LAMA2: variants seen among roughly 807,000 people sequenced by gnomAD.
LAMA2 encodes the protein laminin subunit alpha 2, also known as laminin subunit alpha-2.
Under a neutral mutation model 364.8 loss-of-function variants are expected in LAMA2, and 269 were observed. The ratio of observed to expected loss-of-function variants is 0.74; its 90% CI spans 0.67 to 0.82. LAMA2 has a LOEUF of 0.82. Ranked by LOEUF, LAMA2 falls within the 40% of genes least tolerant of loss-of-function variation. LAMA2 has a pLI of 0.00. For missense variants in LAMA2, 3,807 were observed against 3,873.2 expected (o/e 0.98, Z 0.45); for synonymous variants, 1,379 against 1,370.6 (o/e 1.01, Z -0.14).
intron 32 of LAMA2, 43 bp from the exon 33 acceptor site, chr6:129,366,176 T>A: frequency 1.2e-6 from 2 of 1,608,910 alleles, no homozygotes; most frequent in South Asian, 1.1e-5. Context: ...CTGCCTGGGA[T>A]GTTTAGCAGA....
intron 64 of LAMA2, 80 bp downstream of exon 64, chr6:129,514,675 C>A: frequency 9.3e-7 from 1 of 1,076,938 alleles, no homozygotes; most frequent in South Asian, 1.3e-5. Flanking sequence ...TTACGTGTGT[C>A]TAAGAATGTG....
chr6:129,494,945 A>C (rs1205948242), intron 58 of LAMA2, among the ~76,000 whole-genome samples: 1 of 152,204 alleles, frequency 6.6e-6, no homozygotes, highest in East Asian at 1.9e-4. Context: ...CCTAATGTCC[A>C]CTTATAAAAA....
intron 53 of LAMA2, among the ~76,000 whole-genome samples, chr6:129,477,075 G>A (rs2114830661): frequency 6.6e-6 from 1 of 152,266 alleles, no homozygotes; most frequent in South Asian, 2.1e-4. Context: ...ATATATTGAT[G>A]CCGACTGGAC....
intron 22 of LAMA2, 63 bp from the exon 23 acceptor site, chr6:129,312,798 T>A: frequency 8.8e-7 from 1 of 1,134,296 alleles, no homozygotes. Flanking sequence ...ACATTAGAAT[T>A]AAAATTTTAA....
At chr6:129,426,164 C>T (rs936415119) in intron 40 of LAMA2, among the ~76,000 whole-genome samples, 1 of 152,140 alleles carries the variant, frequency 6.6e-6, no homozygotes, top group African/African-American at 2.4e-5. Flanking sequence ...TCCAAATTGA[C>T]TCAGACTCCT....
intron 40 of LAMA2, among the ~76,000 whole-genome samples, chr6:129,421,146 C>T (rs1406539322): frequency 6.6e-6 from 1 of 151,984 alleles, no homozygotes; most frequent in Non-Finnish European, 1.5e-5. Flanking sequence ...AATTACATGC[C>T]AAGTCATCTG....
intron 1 of LAMA2, among the ~76,000 whole-genome samples, chr6:128,959,941 C>A (rs925663419): frequency 2.0e-5 from 3 of 151,874 alleles, no homozygotes; most frequent in African/African-American, 7.2e-5. Flanking sequence ...ATATTCAAAG[C>A]AACTAGATGT....
intron 1 of LAMA2, among the ~76,000 whole-genome samples, chr6:128,975,111 C>G (rs1782445856): frequency 6.6e-6 from 1 of 152,134 alleles, no homozygotes; most frequent in South Asian, 2.1e-4. Context: ...CTCTGCCTCC[C>G]AAAGTGCTGG....
intron 12 of LAMA2, among the ~76,000 whole-genome samples, chr6:129,214,714 T>G (rs751920419): frequency 3.9e-5 from 6 of 152,168 alleles, no homozygotes; most frequent in Non-Finnish European, 8.8e-5. Context: ...TGGGTAGTGT[T>G]AGCTTTACAA....
At chr6:129,042,031 G>T (rs1424022512) in intron 1 of LAMA2, among the ~76,000 whole-genome samples, 1 of 150,322 alleles carries the variant, frequency 6.7e-6, no homozygotes, top group East Asian at 2.0e-4. Flanking sequence ...AATGCCAGGC[G>T]TGGTGACTCA....
chr6:129,460,942 A>G lies in LAMA2; in HGVS notation c.6992+618A>G, dbSNP rs557455515. ...CCTAATACATGACCTCAATTATAAG[A>G]TAGAGGGTAGAATGAATAGGAATTT... On this transcript the variant is annotated intron_variant, in intron 49 of 64. Coordinates refer to ENST00000421865, the MANE Select transcript of LAMA2 (RefSeq NM_000426.4). 8.2e-4 allele frequency among the ~76,000 whole-genome samples: 124 copies of G among 152,054 alleles called. 1 individual carries two copies. Among genetic ancestry groups the G allele is most frequent in the African/African-American group, 2.9e-3 (120 of 41,490 alleles).
intron 4 of LAMA2, among the ~76,000 whole-genome samples, chr6:129,100,655 C>T (rs753731913): frequency 3.3e-5 from 5 of 152,068 alleles, no homozygotes; most frequent in Admixed American, 1.3e-4. Context: ...AGTTGACAAT[C>T]GCTAAACTTA....
chr6:129,031,659 G>A (rs1786231935), intron 1 of LAMA2, among the ~76,000 whole-genome samples: 2 of 152,100 alleles, frequency 1.3e-5, no homozygotes, highest in Admixed American at 1.3e-4. Flanking sequence ...TTATTTCTGG[G>A]CTTCCAAGTC....
rs1231510547 is a variant in LAMA2, at chr6:129,251,030, GTCTCTCTCTTTCTCTCTCTC to G, written c.1884+827_1884+846del. On this transcript the variant is annotated intron_variant, in intron 13 of 64. Coordinates refer to ENST00000421865, the MANE Select transcript of LAMA2 (RefSeq NM_000426.4). ...TGTCTCTCTCTTTCTCTCTCTCTCT[GTCTCTCTCTTTCTCTCTCTC>G]TCTCTCTCTCTCTCTCTCTCTCTCT... 1.2e-3 allele frequency among the ~76,000 whole-genome samples: 79 copies of G among 67,524 alleles called. 1 individual carries two copies. The highest frequency in any genetic ancestry group is 2.9e-3 in the Admixed American group (20 of 6,800). 44.3% of individuals were successfully genotyped at this position (67,524 alleles called of 152,430 possible). A position where few individuals can be genotyped will look rare whatever the true frequency, so the allele number is the denominator to read the frequency against.
intron 34 of LAMA2, among the ~76,000 whole-genome samples, chr6:129,377,225 C>T (rs17799606): frequency 6.6e-6 from 1 of 151,680 alleles, no homozygotes; most frequent in Non-Finnish European, 1.5e-5. Flanking sequence ...ATTTTATTGC[C>T]TATTGAATAT....
At chr6:129,060,029 CAA>C in intron 3 of LAMA2, 133 bp downstream of exon 3, 1 of 689,252 alleles carries the variant, frequency 1.5e-6, no homozygotes, top group Non-Finnish European at 2.7e-6. Context: ...ATAAGATGAA[CAA>C]AGGGTCCTAT....
At chr6:129,316,708 C>G (rs758598070) in intron 27 of LAMA2, among the ~76,000 whole-genome samples, 1 of 152,108 alleles carries the variant, frequency 6.6e-6, no homozygotes, top group South Asian at 2.1e-4. Context: ...TGTTGTCGAA[C>G]CTACATGATG....
chr6:129,109,987 C>T (rs1180997386), intron 4 of LAMA2, among the ~76,000 whole-genome samples: 2 of 151,886 alleles, frequency 1.3e-5, no homozygotes, highest in Non-Finnish European at 2.9e-5. Flanking sequence ...CTTCAGATTT[C>T]ATTGTGTGGA....
chr6:129,389,660 G>A (rs934122980), intron 35 of LAMA2, among the ~76,000 whole-genome samples: 1 of 152,154 alleles, frequency 6.6e-6, no homozygotes, highest in Non-Finnish European at 1.5e-5. Flanking sequence ...GCATGACTAG[G>A]AGGCCTCAGG....
Sources: allele counts gnomAD v4.1 joint callset (sites outside exome capture counted in the v4.1 genomes callset), GRCh38; gene constraint gnomAD v4.1.1; transcripts MANE v1.5; gene names NCBI Gene and HGNC (gene_info 2026-07-23, HGNC 2026-07-21).